DESI2: variants seen among roughly 807,000 people sequenced by gnomAD.
The protein encoded by DESI2 is deubiquitinase DESI2.
Under a neutral mutation model 24.1 loss-of-function variants are expected in DESI2, and 10 were observed. That is an observed-to-expected ratio of 0.41 (90% CI 0.26 to 0.70). The LOEUF (loss-of-function observed/expected upper bound fraction) is 0.70. Ranked by LOEUF, DESI2 falls within the 30% of genes least tolerant of loss-of-function variation. The pLI is 0.29. For synonymous variants in DESI2, 71 were observed against 87.7 expected, an observed-to-expected ratio of 0.81 and a Z score of 1.06; for missense variants, 122 against 234.9, an observed-to-expected ratio of 0.52 and a Z score of 3.14.
At chr1:244,704,596 GC>G (rs1677617186) in intron 4 of DESI2, among the ~76,000 whole-genome samples, 1 of 152,130 alleles carries the variant, frequency 6.6e-6, no homozygotes. Flanking sequence ...AGGCTTCCAT[GC>G]CTTGTCTGAC....
chr1:244,661,280 C>G (rs1015408216), intron 1 of DESI2, among the ~76,000 whole-genome samples: 3 of 152,136 alleles, frequency 2.0e-5, no homozygotes, highest in African/African-American at 7.2e-5. Flanking sequence ...TATTTTGTGA[C>G]TGGCTTATTT....
At chr1:244,662,103 A>G (rs904553064) in intron 1 of DESI2, among the ~76,000 whole-genome samples, 1 of 152,192 alleles carries the variant, frequency 6.6e-6, no homozygotes, top group Non-Finnish European at 1.5e-5. Context: ...TCGCCATTCT[A>G]ACTGGTGTGA....
intron 4 of DESI2, among the ~76,000 whole-genome samples, chr1:244,696,976 G>C (rs1414000814): frequency 1.3e-5 from 2 of 152,124 alleles, no homozygotes; most frequent in East Asian, 3.9e-4. Flanking sequence ...TGTTGTCACA[G>C]ACCATTGCTG....
intron 1 of DESI2, among the ~76,000 whole-genome samples, chr1:244,668,221 T>C (rs1171265177): frequency 3.3e-5 from 5 of 152,224 alleles, no homozygotes; most frequent in Non-Finnish European, 7.3e-5. Context: ...TTTATAGATC[T>C]GCTGGTATGC....
intron 1 of DESI2, among the ~76,000 whole-genome samples, chr1:244,658,306 A>G (rs555885605): frequency 2.0e-5 from 3 of 152,308 alleles, no homozygotes; most frequent in Non-Finnish European, 4.4e-5. Context: ...ATTCTCACAC[A>G]GTGAAATTTT....
At chr1:244,661,764 A>G (rs1675853137) in intron 1 of DESI2, among the ~76,000 whole-genome samples, 2 of 152,208 alleles carry the variant, frequency 1.3e-5, no homozygotes, top group African/African-American at 2.4e-5. Flanking sequence ...GCTGCATAGT[A>G]TTCCATGATG....
At chr1:244,666,847 G>A (rs924317692) in intron 1 of DESI2, among the ~76,000 whole-genome samples, 2 of 152,108 alleles carry the variant, frequency 1.3e-5, no homozygotes, top group African/African-American at 4.8e-5. Context: ...GAATCATGGC[G>A]GGTGGCAAAA....
intron 1 of DESI2, among the ~76,000 whole-genome samples, chr1:244,658,440 T>C (rs905189489): frequency 6.6e-6 from 1 of 152,202 alleles, no homozygotes; most frequent in East Asian, 1.9e-4. Flanking sequence ...TGGCTGTAGC[T>C]TAGTCTTTAT....
At chr1:244,699,004 G>GT (rs1677332728) in intron 4 of DESI2, among the ~76,000 whole-genome samples, 1 of 152,172 alleles carries the variant, frequency 6.6e-6, no homozygotes, top group African/African-American at 2.4e-5. Context: ...AAGTTTCACT[G>GT]TGTTTACTTG....
chr1:244,655,751 A>G (rs1675625018), intron 1 of DESI2, among the ~76,000 whole-genome samples: 1 of 152,244 alleles, frequency 6.6e-6, no homozygotes, highest in South Asian at 2.1e-4. Context: ...TGACGTGAAC[A>G]AAATGGCAGG....
In DESI2 at chr1:244,667,597, T is replaced by A. The variant is rs539841200; in HGVS notation, c.42+14242T>A. Among the ~76,000 whole-genome samples the A allele has an allele frequency of 1.4e-3, 206 of 152,286 alleles. 1 individual carries two copies. Among genetic ancestry groups the A allele is most frequent in the Non-Finnish European group, 1.8e-3 (122 of 68,014 alleles). On this transcript the variant is annotated intron_variant, in intron 1 of 4. Coordinates refer to ENST00000302550, the MANE Select transcript of DESI2 (RefSeq NM_016076.5). ...AGCTAAAAAGGGGGTAGGATACAAATCCATGCATCCTGATTCCAGGTTGTA... is the reference window on the plus strand; with the variant it reads ...AGCTAAAAAGGGGGTAGGATACAAAACCATGCATCCTGATTCCAGGTTGTA...
In DESI2 at chr1:244,653,212, G is replaced by C. The variant is rs575304482; in HGVS notation, c.-102G>C. Reference sequence around the variant, plus strand: ...CCGCGGGCCGGGCTGTACGCTTAGTGCCCGGCTCAGGCCCCCTGAAGCGCC... The same window carrying C: ...CCGCGGGCCGGGCTGTACGCTTAGTCCCCGGCTCAGGCCCCCTGAAGCGCC... On this transcript the variant is annotated 5_prime_UTR_variant, in exon 1 of 5. Transcript: ENST00000302550. 4.0e-6 allele frequency: 5 copies of C among 1,249,666 alleles called. No homozygotes were observed. Among genetic ancestry groups the C allele is most frequent in the East Asian group, 5.7e-5 (2 of 34,996 alleles). 77.4% of individuals were successfully genotyped at this position (1,249,666 alleles called of 1,614,324 possible).
At chr1:244,701,212 T>TCCCCCCCCCCCCCC (rs1677442100) in intron 4 of DESI2, among the ~76,000 whole-genome samples, 1 of 57,720 alleles carries the variant, frequency 1.7e-5, no homozygotes, top group African/African-American at 1.2e-4. Flanking sequence ...CACCTTCCCC[T>TCCCCCCCCCCCCCC]CCACCCCCCC....
chr1:244,675,111 C>CT (rs964149107), intron 1 of DESI2, among the ~76,000 whole-genome samples: 12 of 151,878 alleles, frequency 7.9e-5, no homozygotes, highest in East Asian at 3.9e-4. Context: ...AGAAGAAATA[C>CT]TTTTTTTTAG....
At position 244,705,897 on chromosome 1, in the gene DESI2, C is replaced by T; in HGVS notation, c.*108C>T. 2.6e-6 allele frequency: 2 copies of T among 769,526 alleles called. No individual in the cohort carries two copies. The highest frequency in any genetic ancestry group is 4.1e-6 in the Non-Finnish European group (2 of 488,696). 47.7% of individuals were successfully genotyped at this position (769,526 alleles called of 1,614,324 possible). On this transcript the variant is annotated 3_prime_UTR_variant, in exon 5 of 5. Transcript: ENST00000302550. ...ATATTTTGTATGCAAAGATGGCTCTCCCCCAAATCCCAGTTTTTCAGCTCA... is the reference window on the plus strand; with the variant it reads ...ATATTTTGTATGCAAAGATGGCTCTTCCCCAAATCCCAGTTTTTCAGCTCA...
chr1:244,694,052 G>A (rs1677122130), intron 4 of DESI2, among the ~76,000 whole-genome samples: 1 of 152,226 alleles, frequency 6.6e-6, no homozygotes, highest in Non-Finnish European at 1.5e-5. Context: ...GGGGACGTAT[G>A]TCATAAGCAG....
intron 4 of DESI2, among the ~76,000 whole-genome samples, chr1:244,699,578 CAAAAAAAAAAA>C (rs559295405): frequency 1.4e-3 from 93 of 66,198 alleles, no homozygotes; most frequent in African/African-American, 2.0e-3. Flanking sequence ...GAGACTGTCT[CAAAAAAAAAAA>C]AAAAAAAAAA....
chr1:244,682,763 G>A (rs542973929), intron 1 of DESI2, among the ~76,000 whole-genome samples: 1 of 152,044 alleles, frequency 6.6e-6, no homozygotes, highest in Non-Finnish European at 1.5e-5. Context: ...AAAGACAGGC[G>A]GGGGGCCAGA....
intron 1 of DESI2, among the ~76,000 whole-genome samples, chr1:244,658,798 A>C (rs966984018): frequency 5.3e-5 from 8 of 152,212 alleles, no homozygotes; most frequent in African/African-American, 1.9e-4. Context: ...TAGGGTGTCC[A>C]GATGAAGGGG....
Sources: allele counts gnomAD v4.1 joint callset (sites outside exome capture counted in the v4.1 genomes callset), GRCh38; gene constraint gnomAD v4.1.1; transcripts MANE v1.5; gene names NCBI Gene and HGNC (gene_info 2026-07-23, HGNC 2026-07-21).